Variants in SEMA7A observed in about 807,000 individuals in gnomAD.
The protein encoded by SEMA7A is semaphorin-7A.
In SEMA7A, 21 loss-of-function variants were observed where a neutral mutation model predicts 67.5. The ratio of observed to expected loss-of-function variants is 0.31; its 90% CI spans 0.22 to 0.45. The LOEUF (loss-of-function observed/expected upper bound fraction) is 0.45, where lower values mean the gene tolerates loss of function less well. Among genes scored for constraint, SEMA7A ranks in the 20% least tolerant of loss-of-function variants. The probability of loss-of-function intolerance (pLI) is 1.00; values close to 1 mark genes in which losing one functional copy is unlikely to be tolerated. For missense variants in SEMA7A, 774 were observed against 908.6 expected (o/e 0.85, Z 1.90); for synonymous variants, 364 against 368.5 (o/e 0.99, Z 0.14).
rs1899773700 is a variant in SEMA7A at position 74,414,125 on chromosome 15, C to T, written c.1294+422G>A. Among the ~76,000 whole-genome samples the T allele has an allele frequency of 6.6e-6, 1 of 152,228 alleles. No individual in the cohort carries two copies. The highest frequency in any genetic ancestry group is 6.5e-5 in the Admixed American group (1 of 15,288). The stretch of plus-strand genomic sequence containing the variant: ...TCAACTCCTCAAATGTTTCCTCTCA[C>T]CTGCACAATCCCAAAGACAGGCGCA... On this transcript the variant is annotated intron_variant, in intron 10 of 13. Transcript: ENST00000261918. This position sits in a 1 kb window ranked among gnomAD's most constrained non-coding sequence, Gnocchi z 4.1.
intron 1 of SEMA7A, among the ~76,000 whole-genome samples, chr15:74,421,201 G>A (rs2060997564): frequency 6.6e-6 from 1 of 152,164 alleles, no homozygotes; most frequent in African/African-American, 2.4e-5. Context: ...CTGAGGGGGA[G>A]GTCTGGCCCT....
In SEMA7A at chr15:74,416,873, C is replaced by T. The variant is rs533177680; in HGVS notation, c.662-159G>A. Among the ~76,000 whole-genome samples the T allele has an allele frequency of 6.2e-4, 94 of 152,292 alleles. 1 individual carries two copies. The highest frequency in any genetic ancestry group is 2.1e-3 in the South Asian group (10 of 4,820). ...CATCAGGTCCAACTCCCCGAGGGGC[C>T]CTAGACCCTGCACCTCCACCCCACA... On this transcript the variant is annotated intron_variant, in intron 6 of 13. Transcript: ENST00000261918.
intron 10 of SEMA7A, among the ~76,000 whole-genome samples, chr15:74,413,511 G>A (rs2060919743): frequency 6.6e-6 from 1 of 152,148 alleles, no homozygotes; most frequent in Non-Finnish European, 1.5e-5. Flanking sequence ...TCCCAGTTCC[G>A]CACTGTGTGA....
At chr15:74,420,737 G>A (rs752525637) in intron 1 of SEMA7A, among the ~76,000 whole-genome samples, 3 of 152,062 alleles carry the variant, frequency 2.0e-5, no homozygotes, top group Admixed American at 6.6e-5. Context: ...CCTTCCACCC[G>A]CAGCCCAAAC....
At chr15:74,431,504 A>G (rs2061088031) in intron 1 of SEMA7A, among the ~76,000 whole-genome samples, 1 of 152,170 alleles carries the variant, frequency 6.6e-6, no homozygotes, top group Admixed American at 6.5e-5. Flanking sequence ...CCTGACTCAA[A>G]ACTAAAACCC....
At position 74,411,539 on chromosome 15, in the gene SEMA7A, G is replaced by C; in HGVS notation, c.1577+17C>G. 10 of 1,546,086 alleles carry C rather than the reference G, an allele frequency of 6.5e-6. No homozygotes were observed. The highest frequency in any genetic ancestry group is 8.7e-6 in the Non-Finnish European group (10 of 1,144,444). On this transcript the variant is annotated intron_variant, in intron 12 of 13. Coordinates refer to ENST00000261918, the MANE Select transcript of SEMA7A (RefSeq NM_003612.5). This position sits in a 1 kb window ranked among gnomAD's most constrained non-coding sequence, Gnocchi z 4.4. ...TGCCCACCTTCTCCCAGGGACGAGG[G>C]ATCCCGGCCAACGTACCGTTCGGAG... is the stretch of plus-strand genomic sequence containing the variant.
chr15:74,413,961 G>A (rs1388269452), intron 10 of SEMA7A, among the ~76,000 whole-genome samples: 1 of 152,162 alleles, frequency 6.6e-6, no homozygotes, highest in Non-Finnish European at 1.5e-5. Context: ...CAGAAAGCAG[G>A]AGCATCTCCC....
intron 7 of SEMA7A, 78 bp downstream of exon 7, chr15:74,416,497 C>T (rs867945091): frequency 3.6e-5 from 54 of 1,479,612 alleles, no homozygotes; most frequent in Admixed American, 2.7e-4. Flanking sequence ...TACATGCACA[C>T]GGACACACAG....
At chr15:74,427,146 G>C (rs923900532) in intron 1 of SEMA7A, 2 of 916,938 alleles carry the variant, frequency 2.2e-6, no homozygotes, top group African/African-American at 3.6e-5. Flanking sequence ...CTCACTGCCC[G>C]TACCTTCGAC....
At chr15:74,431,931 G>A (rs2061091987) in intron 1 of SEMA7A, among the ~76,000 whole-genome samples, 1 of 152,242 alleles carries the variant, frequency 6.6e-6, no homozygotes, top group Non-Finnish European at 1.5e-5. Flanking sequence ...TGTGGCTACA[G>A]CAGTGAACTG....
intron 1 of SEMA7A, chr15:74,433,491 C>G: frequency 9.0e-7 from 1 of 1,109,874 alleles, no homozygotes. Flanking sequence ...CTGCCAGGGA[C>G]TTGGTGCGAC....
intron 7 of SEMA7A, among the ~76,000 whole-genome samples, chr15:74,416,283 C>T (rs1185178736): frequency 6.6e-6 from 1 of 152,168 alleles, no homozygotes; most frequent in East Asian, 1.9e-4. Flanking sequence ...GACTCACACA[C>T]CCACACACGT....
intron 1 of SEMA7A, among the ~76,000 whole-genome samples, chr15:74,421,137 C>T (rs577632037): frequency 6.6e-6 from 1 of 152,222 alleles, no homozygotes; most frequent in South Asian, 2.1e-4. Flanking sequence ...ACAGTCCTGC[C>T]CTGGGGAGTC....
At chr15:74,430,378 T>C (rs2061078352) in intron 1 of SEMA7A, among the ~76,000 whole-genome samples, 2 of 152,176 alleles carry the variant, frequency 1.3e-5, no homozygotes, top group African/African-American at 2.4e-5. Context: ...TCCTAAGACA[T>C]TAAATCTCAG....
chr15:74,423,370 G>T lies in SEMA7A; in HGVS notation c.179-4418C>A, dbSNP rs768983246. Reference sequence around the variant, plus strand: ...CCACATGTCAAGGTGGAAGGGAGAGGATCTAAACAGTCATTGAACTGAAGG... The same window carrying T: ...CCACATGTCAAGGTGGAAGGGAGAGTATCTAAACAGTCATTGAACTGAAGG... On this transcript the variant is annotated intron_variant, in intron 1 of 13. Transcript: ENST00000261918. The surrounding 1 kb of genome is among the most constrained non-coding windows in gnomAD (Gnocchi z 4.1). Among the ~76,000 whole-genome samples, 2 of 152,160 alleles carry T rather than the reference G, an allele frequency of 1.3e-5. No homozygotes were observed. The highest frequency in any genetic ancestry group is 2.9e-5 in the Non-Finnish European group (2 of 68,034).
chr15:74,433,732 G>C lies in SEMA7A; in HGVS notation c.178+9C>G. On this transcript the variant is annotated intron_variant, in intron 1 of 13. Transcript: ENST00000261918. ...TCCCGCGCCTGACCGGCCGCGCGGC[G>C]CCGCCTACCTTTCCAGACGGCGAAG... is the stretch of plus-strand genomic sequence containing the variant. 1 of 1,426,748 alleles carries C rather than the reference G, an allele frequency of 7.0e-7. No homozygotes were observed. Among genetic ancestry groups the C allele is most frequent in the Non-Finnish European group, 9.1e-7 (1 of 1,096,880 alleles). The allele number at this position is 1,426,748 out of a possible 1,614,324, so 88.4% of individuals were successfully genotyped here.
At chr15:74,416,508 A>G in intron 7 of SEMA7A, 67 bp downstream of exon 7, 7 of 1,494,166 alleles carry the variant, frequency 4.7e-6, no homozygotes, top group Non-Finnish European at 5.6e-6. Context: ...GGACACACAG[A>G]ACTCACCCTC....
chr15:74,419,668 ACT>A (rs2060983235), intron 1 of SEMA7A, among the ~76,000 whole-genome samples: 1 of 151,980 alleles, frequency 6.6e-6, no homozygotes, highest in Non-Finnish European at 1.5e-5. Flanking sequence ...CAGAGCCTGC[ACT>A]CCTGCCTACC....
chr15:74,415,810 G>A lies in SEMA7A; in HGVS notation c.977C>T (p.Ser326Phe). The change falls in exon 8 of 14, where the codon TCC becomes TTC. Residue 326 changes from serine (S) to phenylalanine (F), a missense_variant. By Grantham distance (155) the Ser-to-Phe change is radical. Transcript: ENST00000261918. ...GACAAGGGCCACTCACCAGGGGTTG[G>A]AGAAAACACCATAGACCCTGGTGTC... Reference protein sequence around the residue: ...WRDTRVYGVFSNPWNYSAVCV... With the variant: ...WRDTRVYGVFFNPWNYSAVCV... 6.2e-7 allele frequency: 1 copy of A among 1,612,940 alleles called. No homozygotes were observed. Among genetic ancestry groups the A allele is most frequent in the Non-Finnish European group, 8.5e-7 (1 of 1,179,460 alleles).
Sources: allele counts gnomAD v4.1 joint callset (sites outside exome capture counted in the v4.1 genomes callset), GRCh38; gene constraint gnomAD v4.1.1; non-coding constraint Gnocchi (gnomAD v3.1); transcripts MANE v1.5; gene names NCBI Gene and HGNC (gene_info 2026-07-23, HGNC 2026-07-21).